UTY: variants seen among roughly 807,000 people sequenced by gnomAD.
UTY encodes the protein ubiquitously transcribed tetratricopeptide repeat containing, Y-linked.
Under a neutral mutation model 32.5 loss-of-function variants are expected in UTY, and 12 were observed. That is an observed-to-expected ratio of 0.37 (90% CI 0.24 to 0.60). The LOEUF is 0.60. UTY is among the 20% of genes least tolerant of loss of function. The pLI, the probability that UTY is intolerant of heterozygous loss-of-function variation, is 0.69. For synonymous variants in UTY, 131 were observed against 103.4 expected (o/e 1.27, Z -1.62); for missense variants, 303 against 299.2 (o/e 1.01, Z -0.09).
chrY:13,380,029 ATG>A (rs1569486958), intron 8 of UTY, among the ~76,000 whole-genome samples: 23 of 5,139 alleles, frequency 4.5e-3, no homozygotes, highest in African/African-American at 7.9e-3. Context: ...ATATATATAG[ATG>A]TGTGTGTGTG....
chrY:13,453,954 G>A, intron 3 of UTY, among the ~76,000 whole-genome samples: 2 of 31,900 alleles, frequency 6.3e-5, no homozygotes, highest in African/African-American at 1.2e-4. Flanking sequence ...GGGTGCAGTG[G>A]CTCATGCCTG....
At chrY:13,373,734 A>C in intron 8 of UTY, among the ~76,000 whole-genome samples, 1 of 34,069 alleles carries the variant, frequency 2.9e-5, no homozygotes, top group Non-Finnish European at 7.3e-5. Flanking sequence ...AAATACAGTC[A>C]GTATAGCATG....
intron 8 of UTY, among the ~76,000 whole-genome samples, chrY:13,372,375 G>C (rs2065000616): frequency 6.0e-5 from 2 of 33,228 alleles, no homozygotes; most frequent in African/African-American, 2.3e-4. Context: ...TAAACAAATG[G>C]TGCTTGAAAA....
chrY:13,387,664 G>A lies in UTY; in HGVS notation c.645+6195C>T, dbSNP rs771552034. 1.9e-4 allele frequency among the ~76,000 whole-genome samples: 6 copies of A among 32,406 alleles called. No individual in the cohort carries two copies. The South Asian group carries it at 4.2e-3, about 23-fold the overall frequency. The allele number at this position is 32,406 out of a possible 37,273, so 86.9% of individuals were successfully genotyped here. A position where few individuals can be genotyped will look rare whatever the true frequency, so the allele number is the denominator to read the frequency against. Reference sequence around the variant, plus strand: ...TTCTCTACTAAAAATACAAAAATCAGCTGGGCATGGTGGCAGGCATCTATA... The same window carrying A: ...TTCTCTACTAAAAATACAAAAATCAACTGGGCATGGTGGCAGGCATCTATA... On this transcript the variant is annotated intron_variant, in intron 8 of 29. Coordinates refer to ENST00000545955, the MANE Select transcript of UTY (RefSeq NM_001258249.2).
chrY:13,326,211 G>A lies in UTY; in HGVS notation c.2964+10C>T. 1 of 396,369 alleles carries A rather than the reference G, an allele frequency of 2.5e-6. No individual in the cohort carries two copies. The highest frequency in any genetic ancestry group is 3.0e-5 in the South Asian group (1 of 33,619). ...TCGATTTATTTATAAGTTACTCAAT[G>A]CGGACTCACGTAAATACTAGGTGTG... On this transcript the variant is annotated intron_variant, in intron 19 of 29. Coordinates refer to ENST00000545955, the MANE Select transcript of UTY (RefSeq NM_001258249.2).
chrY:13,344,700 C>A, intron 17 of UTY, among the ~76,000 whole-genome samples: 2 of 33,680 alleles, frequency 5.9e-5, no homozygotes, highest in African/African-American at 1.2e-4. Context: ...TGTTAAAAAT[C>A]AAATGGAATC....
Position 13,359,758 on chromosome Y carries a change from A to G in UTY, c.1185+9T>C. On this transcript the variant is annotated intron_variant, in intron 12 of 29. Transcript: ENST00000545955. ...GTGTCATTTAAAATATACTATTTAA[A>G]ATTTTTACCTGTAGAAATTTAATTC... is the stretch of plus-strand genomic sequence containing the variant. 1 of 384,698 alleles carries G rather than the reference A, an allele frequency of 2.6e-6. No individual in the cohort carries two copies.
intron 21 of UTY, among the ~76,000 whole-genome samples, chrY:13,322,687 T>G (rs2059908376): frequency 2.1e-4 from 7 of 34,133 alleles, no homozygotes; most frequent in Non-Finnish European, 4.4e-4. Flanking sequence ...TTAATTTTTT[T>G]GAAAAAATTC....
At chrY:13,370,351 T>C in intron 8 of UTY, among the ~76,000 whole-genome samples, 1 of 34,199 alleles carries the variant, frequency 2.9e-5, no homozygotes, top group African/African-American at 1.1e-4. Context: ...TTGTAACAAA[T>C]TGGCAGAGCA....
chrY:13,302,111 T>C, intron 25 of UTY, among the ~76,000 whole-genome samples: 2 of 33,581 alleles, frequency 6.0e-5, no homozygotes, highest in Non-Finnish European at 1.5e-4. Context: ...CAGTATGTTT[T>C]AGTATGTAAT....
chrY:13,311,355 G>C, intron 21 of UTY, among the ~76,000 whole-genome samples: 1 of 32,680 alleles, frequency 3.1e-5, no homozygotes, highest in African/African-American at 1.2e-4. Flanking sequence ...CAGCACTTTG[G>C]GAGACCGAGG....
At chrY:13,337,387 T>C in intron 17 of UTY, among the ~76,000 whole-genome samples, 1 of 33,034 alleles carries the variant, frequency 3.0e-5, no homozygotes, top group Non-Finnish European at 7.5e-5. Context: ...AGGACAGACC[T>C]TCACTAAGTC....
Position 13,474,038 on chromosome Y carries a change from C to A in UTY, c.217-3809G>T, listed in dbSNP as rs553531150. On this transcript the variant is annotated intron_variant, in intron 2 of 29. Transcript: ENST00000545955. ...GCCAAGGCAGGCAGATCACCTAGGT[C>A]AGGAGTTGGAGACCAGCCTGGGCAA... Among the ~76,000 whole-genome samples the A allele has an allele frequency of 5.9e-3, 191 of 32,508 alleles. No homozygotes were observed. In the South Asian group the frequency reaches 0.12, roughly 21 times the overall value. The allele number at this position is 32,508 out of a possible 37,273, so 87.2% of individuals were successfully genotyped here. A position where few individuals can be genotyped will look rare whatever the true frequency, so the allele number is the denominator to read the frequency against.
At chrY:13,375,542 T>G in intron 8 of UTY, among the ~76,000 whole-genome samples, 1 of 34,002 alleles carries the variant, frequency 2.9e-5, no homozygotes, top group African/African-American at 1.1e-4. Context: ...ATTACTATCC[T>G]TACAGTTTTT....
intron 28 of UTY, among the ~76,000 whole-genome samples, chrY:13,255,641 C>T (rs2054655326): frequency 3.0e-5 from 1 of 33,600 alleles, no homozygotes; most frequent in Non-Finnish European, 7.4e-5. Flanking sequence ...TTCAGTTATA[C>T]AACCTGAGAG....
chrY:13,395,563 T>G (rs2149521769), intron 7 of UTY, among the ~76,000 whole-genome samples: 1 of 32,179 alleles, frequency 3.1e-5, no homozygotes, highest in Non-Finnish European at 7.6e-5. Flanking sequence ...CACTTGAGCC[T>G]GGGAGATAAA....
intron 21 of UTY, among the ~76,000 whole-genome samples, chrY:13,322,699 A>G: frequency 2.9e-5 from 1 of 34,122 alleles, no homozygotes; most frequent in South Asian, 6.4e-4. Context: ...AAAAAATTCA[A>G]AAACTCTTAT....
Position 13,360,544 on chromosome Y carries a change from A to G in UTY, c.867-16T>C. The G allele has an allele frequency of 5.7e-6, 2 of 353,940 alleles. No individual in the cohort carries two copies. The highest frequency in any genetic ancestry group is 8.1e-6 in the Non-Finnish European group (2 of 246,117). The allele number at this position is 353,940 out of a possible 400,897, so 88.3% of individuals were successfully genotyped here. ...TGAATAACACCTAAAAGGAAAAAAT[A>G]TAAATAAATACAATTCCATTAATAA... On this transcript the variant is annotated splice_polypyrimidine_tract_variant and intron_variant, in intron 10 of 29. Coordinates refer to ENST00000545955, the MANE Select transcript of UTY (RefSeq NM_001258249.2).
At chrY:13,469,699 C>T in intron 3 of UTY, among the ~76,000 whole-genome samples, 1 of 33,387 alleles carries the variant, frequency 3.0e-5, no homozygotes, top group Non-Finnish European at 7.4e-5. Flanking sequence ...ATCAGACTTG[C>T]AATATTTTCT....
Sources: gnomAD v4.1 joint callset for allele counts (sites outside exome capture counted in the v4.1 genomes callset) on GRCh38, gnomAD v4.1.1 for gene constraint, MANE v1.5 for transcripts, NCBI Gene and HGNC (gene_info 2026-07-23, HGNC 2026-07-21) for gene names.